Variants in DRC1 observed in about 807,000 individuals in gnomAD.
The protein encoded by DRC1 is dynein regulatory complex protein 1.
DRC1 carries 74 observed loss-of-function variants against 98.7 expected under a neutral mutation model. The observed-to-expected ratio is 0.75, with a 90% CI of 0.62 to 0.91. DRC1 has a LOEUF of 0.91. Among genes scored for constraint, DRC1 ranks in the 40% least tolerant of loss-of-function variants. The pLI is 0.00. For missense variants in DRC1, 875 were observed against 886.0 expected, an observed-to-expected ratio of 0.99 and a Z score of 0.16; for synonymous variants, 336 against 334.1, an observed-to-expected ratio of 1.01 and a Z score of -0.06.
rs993441629 is a variant in DRC1 at position 26,421,867 on chromosome 2, C to G, written c.356+467C>G. 5.3e-5 allele frequency among the ~76,000 whole-genome samples: 8 copies of G among 152,052 alleles called. No homozygotes were observed. In the East Asian group the frequency reaches 1.5e-3, roughly 29 times the overall value. ...GAGCCACCGCGCCCGGCTATCTCAT[C>G]TCTTTTCTTTCCTCCCCTCCTCAAG... On this transcript the variant is annotated intron_variant, in intron 3 of 16. Transcript: ENST00000288710.
intron 6 of DRC1, among the ~76,000 whole-genome samples, chr2:26,431,200 C>T (rs1307247755): frequency 1.3e-5 from 2 of 152,188 alleles, no homozygotes; most frequent in Admixed American, 6.5e-5. Context: ...ATGATCCTCT[C>T]GTCTCGGCCT....
At chr2:26,417,538 A>G (rs1162859834) in intron 2 of DRC1, among the ~76,000 whole-genome samples, 1 of 152,162 alleles carries the variant, frequency 6.6e-6, no homozygotes, top group African/African-American at 2.4e-5. Context: ...CATGTTGGCC[A>G]GGCTGGTCTC....
intron 12 of DRC1, 64 bp from the exon 13 acceptor site, chr2:26,450,528 C>A: frequency 6.8e-7 from 1 of 1,466,702 alleles, no homozygotes; most frequent in South Asian, 1.2e-5. Context: ...GAGCATCTGT[C>A]AGCTGCCCAA....
chr2:26,425,999 G>A lies in DRC1; in HGVS notation c.540+1545G>A, dbSNP rs559166289. 2.4e-4 allele frequency among the ~76,000 whole-genome samples: 37 copies of A among 152,248 alleles called. No individual in the cohort carries two copies. The South Asian group carries it at 7.1e-3, about 29-fold the overall frequency. On this transcript the variant is annotated intron_variant, in intron 4 of 16. Coordinates refer to ENST00000288710, the MANE Select transcript of DRC1 (RefSeq NM_145038.5). ...TATGGCCAAATCCAATGTGCAGAAA[G>A]CTTGTCCTCTATATTTTCTTCTAGG... is the stretch of plus-strand genomic sequence containing the variant.
chr2:26,434,755 G>A (rs1359933551), intron 7 of DRC1, among the ~76,000 whole-genome samples: 1 of 152,160 alleles, frequency 6.6e-6, no homozygotes, highest in African/African-American at 2.4e-5. Context: ...GCCGGGTGTG[G>A]TGGCGGGCGC....
intron 3 of DRC1, among the ~76,000 whole-genome samples, 161 bp from the exon 4 acceptor site, chr2:26,424,110 C>T (rs1322847485): frequency 1.3e-5 from 2 of 152,106 alleles, no homozygotes; most frequent in African/African-American, 2.4e-5. Context: ...AAGCGTTAAA[C>T]GAAAAGATTT....
intron 2 of DRC1, among the ~76,000 whole-genome samples, chr2:26,417,264 G>C (rs1678838799): frequency 6.6e-6 from 1 of 151,726 alleles, no homozygotes; most frequent in South Asian, 2.1e-4. Flanking sequence ...GACAGTTCTT[G>C]ATGTCTGGTA....
Position 26,454,607 on chromosome 2 carries a change from A to C in DRC1, c.1920-40A>C, listed in dbSNP as rs753221469. ...GGCACTGCCTGGGGGCCTGGGTAGT[A>C]CCCAATGGACATGACAATCACTGTG... On this transcript the variant is annotated intron_variant, in intron 14 of 16. Transcript: ENST00000288710. The surrounding 1 kb of genome is among the most constrained non-coding windows in gnomAD (Gnocchi z 5.2). The C allele has an allele frequency of 6.2e-7, 1 of 1,610,668 alleles. No homozygotes were observed. The highest frequency in any genetic ancestry group is 1.1e-5 in the South Asian group (1 of 90,486).
intron 2 of DRC1, among the ~76,000 whole-genome samples, chr2:26,419,322 A>G (rs11691698): frequency 0.24 from 36,528 of 152,128 alleles, 5,143 homozygotes; most frequent in Middle Eastern, 0.32. Flanking sequence ...TTGGTGGCTG[A>G]CATTTGGATT....
intron 1 of DRC1, 74 bp downstream of exon 1, chr2:26,402,218 AAAC>A (rs1235526802): frequency 6.8e-7 from 1 of 1,467,528 alleles, no homozygotes; most frequent in African/African-American, 1.4e-5. Flanking sequence ...GATGAAATAG[AAAC>A]ATTTCTTCGG....
rs139106371 is a variant in DRC1, at chr2:26,454,684, C to G, written c.1957C>G (p.Arg653Gly). 4 of 1,613,956 alleles carry G rather than the reference C, an allele frequency of 2.5e-6. No individual in the cohort carries two copies. Among genetic ancestry groups the G allele is most frequent in the Non-Finnish European group, 2.5e-6 (3 of 1,180,020 alleles). ...CCCGCTGAGGGTACAGAAGAATGTGCGTGACAACTCCAAGGACTCGGAGTA... is the reference window on the plus strand; with the variant it reads ...CCCGCTGAGGGTACAGAAGAATGTGGGTGACAACTCCAAGGACTCGGAGTA... ...RAPLRVQKNV[R>G]DNSKDSEYWQ... The change falls in exon 15 of 17, where the codon CGT becomes GGT. Residue 653 changes from arginine to glycine, a missense_variant. Coordinates refer to ENST00000288710, the MANE Select transcript of DRC1 (RefSeq NM_145038.5). This position sits in a 1 kb window ranked among gnomAD's most constrained non-coding sequence, Gnocchi z 5.2.
intron 3 of DRC1, among the ~76,000 whole-genome samples, chr2:26,422,638 G>T (rs190925684): frequency 2.0e-5 from 3 of 152,246 alleles, no homozygotes; most frequent in Non-Finnish European, 4.4e-5. Flanking sequence ...ACTTGGCCAG[G>T]CACGGGGTGG....
intron 8 of DRC1, among the ~76,000 whole-genome samples, chr2:26,441,277 C>T (rs1663711063): frequency 6.6e-6 from 1 of 152,056 alleles, no homozygotes; most frequent in African/African-American, 2.4e-5. Flanking sequence ...CCCAAATAGC[C>T]TATTATTATT....
intron 2 of DRC1, among the ~76,000 whole-genome samples, chr2:26,414,665 A>G (rs1296887268): frequency 6.6e-6 from 1 of 152,248 alleles, no homozygotes; most frequent in Non-Finnish European, 1.5e-5. Flanking sequence ...CACTCTTCAT[A>G]GGATAAAGTC....
intron 3 of DRC1, among the ~76,000 whole-genome samples, chr2:26,421,616 A>G (rs564811290): frequency 2.8e-5 from 4 of 141,358 alleles, no homozygotes; most frequent in Admixed American, 1.5e-4. Flanking sequence ...GCTGGAGTGC[A>G]ATGACGTGAT....
Position 26,453,304 on chromosome 2 carries a change from G to A in DRC1, c.1690-16G>A, listed in dbSNP as rs183967018. The A allele has an allele frequency of 1.1e-5, 17 of 1,613,934 alleles. No individual in the cohort carries two copies. The highest frequency in any genetic ancestry group is 8.0e-5 in the African/African-American group (6 of 75,012). On this transcript the variant is annotated splice_polypyrimidine_tract_variant and intron_variant, in intron 13 of 16. Transcript: ENST00000288710. ...GTGTGTCCCCAGCCCACAGTTGTCC[G>A]TGCATCTTTCTCCAGATCAAGCCCT... is the stretch of plus-strand genomic sequence containing the variant.
At position 26,444,859 on chromosome 2, in the gene DRC1, A is replaced by G; in HGVS notation, c.1307A>G (p.Asp436Gly). The change falls in exon 10 of 17, where the codon GAT (aspartate) becomes GGT (glycine). Residue 436 changes from aspartate (D) to glycine (G), a missense_variant. Asp to Gly is a moderately conservative substitution (Grantham distance 94). Coordinates refer to ENST00000288710, the MANE Select transcript of DRC1 (RefSeq NM_145038.5). ...HHLGLPWAAP[D>G]FWFLNNVGPI... ...CTGGGGCTTCCCTGGGCAGCACCTG[A>G]TTTCTGGTTCCTGAACAATGTTGGG... The G allele has an allele frequency of 6.2e-7, 1 of 1,614,202 alleles. No homozygotes were observed. Among genetic ancestry groups the G allele is most frequent in the South Asian group, 1.1e-5 (1 of 91,088 alleles).
intron 1 of DRC1, among the ~76,000 whole-genome samples, chr2:26,410,055 AAG>A (rs1266194741): frequency 6.6e-6 from 1 of 151,864 alleles, no homozygotes; most frequent in Non-Finnish European, 1.5e-5. Context: ...TCAAAGAAAA[AAG>A]AGATGATATG....
intron 14 of DRC1, among the ~76,000 whole-genome samples, chr2:26,453,862 C>T (rs1346292836): frequency 6.6e-6 from 1 of 152,160 alleles, no homozygotes; most frequent in Admixed American, 6.5e-5. Flanking sequence ...TCAAGGTGCA[C>T]CATTGTTCAG....
Sources: allele counts gnomAD v4.1 joint callset (sites outside exome capture counted in the v4.1 genomes callset), GRCh38; gene constraint gnomAD v4.1.1; non-coding constraint Gnocchi (gnomAD v3.1); transcripts MANE v1.5; gene names NCBI Gene and HGNC (gene_info 2026-07-23, HGNC 2026-07-21).